The following MARK1 variants were observed in gnomAD, a reference collection of about 807,000 sequenced individuals.
MARK1 encodes the protein microtubule affinity regulating kinase 1.
MARK1 carries 40 observed loss-of-function variants against 96.3 expected under a neutral mutation model. That is an observed-to-expected ratio of 0.42 (90% CI 0.32 to 0.54). The LOEUF (loss-of-function observed/expected upper bound fraction) is 0.54. Ranked by LOEUF, MARK1 falls within the 20% of genes least tolerant of loss-of-function variation. The pLI, the probability that MARK1 is intolerant of heterozygous loss-of-function variation, is 0.16. For missense variants in MARK1, 719 were observed against 984.6 expected (o/e 0.73, Z 3.61); for synonymous variants, 317 against 341.2 (o/e 0.93, Z 0.78).
chr1:220,565,357 C>G (rs1324010091), intron 1 of MARK1, among the ~76,000 whole-genome samples: 1 of 152,174 alleles, frequency 6.6e-6, no homozygotes. Context: ...CTGGGAGCCA[C>G]CAGTATCCCT....
chr1:220,570,779 C>T (rs1267959956), intron 1 of MARK1, among the ~76,000 whole-genome samples: 2 of 152,002 alleles, frequency 1.3e-5, no homozygotes, highest in African/African-American at 2.4e-5. Flanking sequence ...ATTTCTAGTA[C>T]CTAAAAACAA....
rs551473032 is a variant in MARK1 at position 220,609,575 on chromosome 1, G to T, written c.495+5438G>T. Among the ~76,000 whole-genome samples the T allele has an allele frequency of 1.6e-3, 245 of 152,266 alleles. 3 individuals carry two copies. Among genetic ancestry groups the T allele is most frequent in the Non-Finnish European group, 1.0e-3 (70 of 68,020 alleles). ...TTACATTTCAGGTTAATATTGTTAGGTGTGAATTTGCTCCTGTCATTACAA... is the reference window on the plus strand; with the variant it reads ...TTACATTTCAGGTTAATATTGTTAGTTGTGAATTTGCTCCTGTCATTACAA... On this transcript the variant is annotated intron_variant, in intron 6 of 17. Coordinates refer to ENST00000366917, the MANE Select transcript of MARK1 (RefSeq NM_018650.5).
intron 13 of MARK1, among the ~76,000 whole-genome samples, chr1:220,644,165 A>G (rs1668446581): frequency 6.6e-6 from 1 of 152,186 alleles, no homozygotes; most frequent in African/African-American, 2.4e-5. Context: ...GCTGTATTCA[A>G]GAGACATATC....
chr1:220,629,209 A>G (rs777089002), intron 9 of MARK1, among the ~76,000 whole-genome samples: 2 of 152,182 alleles, frequency 1.3e-5, no homozygotes, highest in Non-Finnish European at 2.9e-5. Flanking sequence ...CAATTAATAT[A>G]TCAGCACCTA....
At chr1:220,579,651 G>A (rs762344154) in intron 2 of MARK1, 94 bp downstream of exon 2, 25 of 949,010 alleles carry the variant, frequency 2.6e-5, no homozygotes, top group Non-Finnish European at 3.0e-5. Flanking sequence ...TAAAATGACA[G>A]TTTCAATATG....
At chr1:220,530,877 A>G (rs929689379) in intron 1 of MARK1, among the ~76,000 whole-genome samples, 2 of 152,174 alleles carry the variant, frequency 1.3e-5, no homozygotes, top group African/African-American at 4.8e-5. Context: ...ATTTTCTCCT[A>G]ATTGCTGTGG....
intron 16 of MARK1, among the ~76,000 whole-genome samples, chr1:220,655,279 G>A (rs946152514): frequency 1.3e-5 from 2 of 152,024 alleles, no homozygotes; most frequent in African/African-American, 4.8e-5. Context: ...GGTGATCTCA[G>A]TCAGGCTCAT....
At chr1:220,577,254 A>T (rs1458226703) in intron 1 of MARK1, among the ~76,000 whole-genome samples, 1 of 146,724 alleles carries the variant, frequency 6.8e-6, no homozygotes, top group Admixed American at 7.0e-5. Context: ...GTGACAGATC[A>T]AGACCCTGTC....
chr1:220,656,675 G>T (rs557715727), intron 16 of MARK1, among the ~76,000 whole-genome samples: 1 of 152,142 alleles, frequency 6.6e-6, no homozygotes, highest in African/African-American at 2.4e-5. Context: ...AGATGGCATT[G>T]AATTTTTATT....
intron 1 of MARK1, among the ~76,000 whole-genome samples, chr1:220,533,015 A>T (rs1175842665): frequency 6.6e-6 from 1 of 151,374 alleles, no homozygotes; most frequent in African/African-American, 2.4e-5. Flanking sequence ...TTTTTTTTAA[A>T]AAAAAAAATA....
intron 1 of MARK1, among the ~76,000 whole-genome samples, chr1:220,554,507 C>T (rs1022662101): frequency 5.3e-5 from 8 of 152,038 alleles, no homozygotes; most frequent in Non-Finnish European, 8.8e-5. Flanking sequence ...TTATGTGGCC[C>T]CAAATGTCTG....
At chr1:220,542,952 G>A (rs1661246828) in intron 1 of MARK1, among the ~76,000 whole-genome samples, 1 of 152,070 alleles carries the variant, frequency 6.6e-6, no homozygotes, top group African/African-American at 2.4e-5. Context: ...CCTAAACCAT[G>A]TATCATTTCT....
chr1:220,589,220 T>C (rs559074388), intron 3 of MARK1, among the ~76,000 whole-genome samples: 4 of 152,326 alleles, frequency 2.6e-5, no homozygotes, highest in African/African-American at 9.6e-5. Flanking sequence ...GAGAAAACCA[T>C]GTGCATTTGG....
At chr1:220,611,022 A>G (rs765956877) in intron 6 of MARK1, among the ~76,000 whole-genome samples, 5 of 152,192 alleles carry the variant, frequency 3.3e-5, no homozygotes, top group Non-Finnish European at 7.4e-5. Flanking sequence ...GTTAGGCTAC[A>G]TGGGGGTCAC....
In MARK1 at chr1:220,546,276, AG is replaced by A. The variant is rs199805398; in HGVS notation, c.51+17404del. Among the ~76,000 whole-genome samples, 100 of 152,302 alleles carry A rather than the reference AG, an allele frequency of 6.6e-4. No homozygotes were observed. In the East Asian group the frequency reaches 0.019, roughly 28 times the overall value. ...TCAGAATAATTTTTTATTTAACACC[AG>A]TTAAGAAAAGATTCACATTTCATAA... On this transcript the variant is annotated intron_variant, in intron 1 of 17. Coordinates refer to ENST00000366917, the MANE Select transcript of MARK1 (RefSeq NM_018650.5).
intron 1 of MARK1, among the ~76,000 whole-genome samples, chr1:220,538,176 G>A (rs1344836296): frequency 1.3e-5 from 2 of 151,502 alleles, no homozygotes; most frequent in African/African-American, 2.4e-5. Flanking sequence ...GAATGGTAAT[G>A]CCTAGGTTTT....
At chr1:220,635,621 T>C in intron 12 of MARK1, 92 bp downstream of exon 12, 1 of 1,383,194 alleles carries the variant, frequency 7.2e-7, no homozygotes, top group Non-Finnish European at 9.8e-7. Flanking sequence ...TCTATGTGCT[T>C]GTGTTATCTA....
At chr1:220,661,707 G>A in intron 17 of MARK1, 105 bp from the exon 18 acceptor site, 1 of 791,420 alleles carries the variant, frequency 1.3e-6, no homozygotes, top group Non-Finnish European at 2.0e-6. Context: ...ATTAGGTAGT[G>A]TTATTAGGCA....
chr1:220,644,265 A>G (rs1558319641), intron 13 of MARK1, among the ~76,000 whole-genome samples: 1 of 152,204 alleles, frequency 6.6e-6, no homozygotes, highest in Non-Finnish European at 1.5e-5. Context: ...AGGGGTTGCA[A>G]TCCTAGTTTC....
Sources: allele counts gnomAD v4.1 joint callset (sites outside exome capture counted in the v4.1 genomes callset), GRCh38; gene constraint gnomAD v4.1.1; transcripts MANE v1.5; gene names NCBI Gene and HGNC (gene_info 2026-07-23, HGNC 2026-07-21).